The following GRIK2 variants were observed in gnomAD, a reference collection of about 807,000 sequenced individuals.
The protein encoded by GRIK2 is glutamate ionotropic receptor kainate type subunit 2, also known as glutamate receptor ionotropic, kainate 2.
In GRIK2, 32 loss-of-function variants were observed where a neutral mutation model predicts 100.3. The observed-to-expected ratio is 0.32, with a 90% CI of 0.24 to 0.43. The LOEUF (loss-of-function observed/expected upper bound fraction) is 0.43. Ranked by LOEUF, GRIK2 falls within the 20% of genes least tolerant of loss-of-function variation. The pLI, the probability that GRIK2 is intolerant of heterozygous loss-of-function variation, is 1.00. For synonymous variants in GRIK2, 417 were observed against 389.4 expected, an observed-to-expected ratio of 1.07 and a Z score of -0.83; for missense variants, 843 against 1,114.9, an observed-to-expected ratio of 0.76 and a Z score of 3.47.
At chr6:101,616,550 A>G (rs1399514464) in intron 2 of GRIK2, among the ~76,000 whole-genome samples, 1 of 151,830 alleles carries the variant, frequency 6.6e-6, no homozygotes, top group Non-Finnish European at 1.5e-5. Flanking sequence ...TTCTGTAAAA[A>G]GTCTTTTACC....
intron 14 of GRIK2, among the ~76,000 whole-genome samples, chr6:101,955,055 G>C (rs1042040840): frequency 6.6e-6 from 1 of 151,938 alleles, no homozygotes; most frequent in Admixed American, 6.6e-5. Flanking sequence ...AATCCCACTT[G>C]GTCTTGGTGT....
chr6:101,441,432 A>T (rs1770045960), intron 2 of GRIK2, among the ~76,000 whole-genome samples: 1 of 152,170 alleles, frequency 6.6e-6, no homozygotes, highest in Admixed American at 6.5e-5. Flanking sequence ...GTTGTTTTTC[A>T]TGCATATGGT....
intron 14 of GRIK2, among the ~76,000 whole-genome samples, chr6:102,012,088 A>C (rs1031677429): frequency 1.1e-4 from 16 of 151,882 alleles, no homozygotes; most frequent in African/African-American, 3.6e-4. Context: ...TCTTTTTTTA[A>C]AGTTTTTCTA....
chr6:101,730,641 C>A (rs1775196687), intron 7 of GRIK2, among the ~76,000 whole-genome samples: 1 of 151,330 alleles, frequency 6.6e-6, no homozygotes, highest in Non-Finnish European at 1.5e-5. Context: ...ACCTTTCACC[C>A]TTTTTTGTTT....
At chr6:101,718,300 A>G (rs1039700218) in intron 7 of GRIK2, among the ~76,000 whole-genome samples, 5 of 151,832 alleles carry the variant, frequency 3.3e-5, no homozygotes, top group African/African-American at 1.2e-4. Flanking sequence ...GCAAAAAATA[A>G]CTAGAAAACC....
At chr6:101,910,839 C>CCACACACACA (rs142489212) in intron 12 of GRIK2, among the ~76,000 whole-genome samples, 7,908 of 143,198 alleles carry the variant, frequency 0.055, 354 homozygotes, top group East Asian at 0.18. Flanking sequence ...CCAACATACA[C>CCACACACACA]CACACACACA....
At chr6:101,399,578 G>C (rs1368465043) in intron 2 of GRIK2, among the ~76,000 whole-genome samples, 186 bp downstream of exon 2, 1 of 152,032 alleles carries the variant, frequency 6.6e-6, no homozygotes, top group African/African-American at 2.4e-5. Flanking sequence ...TTTATTTTTA[G>C]CCGCGGGAGG....
At chr6:101,951,702 G>A (rs1791615545) in intron 14 of GRIK2, among the ~76,000 whole-genome samples, 3 of 152,158 alleles carry the variant, frequency 2.0e-5, no homozygotes, top group Admixed American at 2.0e-4. Context: ...TAGTGAATAA[G>A]TCTCATGAGA....
intron 14 of GRIK2, among the ~76,000 whole-genome samples, chr6:102,018,022 C>T (rs2114349387): frequency 6.6e-6 from 1 of 152,234 alleles, no homozygotes; most frequent in Admixed American, 6.5e-5. Flanking sequence ...ATATCTGACT[C>T]TTGTTCTGAC....
Position 101,490,578 on chromosome 6 carries a change from G to C in GRIK2, c.115+91186G>C, listed in dbSNP as rs4840190. Among the ~76,000 whole-genome samples, 1,307 of 146,908 alleles carry C rather than the reference G, an allele frequency of 8.9e-3. 155 individuals are homozygous for C. Among genetic ancestry groups the C allele is most frequent in the Admixed American group, 0.056 (828 of 14,696 alleles). On this transcript the variant is annotated intron_variant, in intron 2 of 16. Transcript: ENST00000369134. ...AATAGATAAGTGAAGAAGTACGTTG[G>C]GGGTGTTAATAGGAAAGTATTGTCT...
At chr6:101,664,443 A>C (rs1299066526) in intron 4 of GRIK2, among the ~76,000 whole-genome samples, 2 of 152,334 alleles carry the variant, frequency 1.3e-5, no homozygotes, top group East Asian at 1.9e-4. Context: ...ATAAGCAAAG[A>C]GATAGAATTA....
At chr6:102,012,984 A>G (rs1458869999) in intron 14 of GRIK2, among the ~76,000 whole-genome samples, 5 of 152,146 alleles carry the variant, frequency 3.3e-5, no homozygotes, top group Non-Finnish European at 7.4e-5. Flanking sequence ...TGTTATTAGT[A>G]GCTTGATCAG....
intron 2 of GRIK2, among the ~76,000 whole-genome samples, chr6:101,566,047 G>T (rs1777256647): frequency 6.6e-6 from 1 of 150,434 alleles, no homozygotes; most frequent in South Asian, 2.1e-4. Context: ...TCATTGTAAA[G>T]GTTCTCATCC....
At chr6:101,553,321 T>C (rs1286904141) in intron 2 of GRIK2, among the ~76,000 whole-genome samples, 1 of 152,202 alleles carries the variant, frequency 6.6e-6, no homozygotes, top group African/African-American at 2.4e-5. Context: ...AAGAGTTACT[T>C]TAAAATGTGT....
chr6:102,012,737 G>A (rs371026607), intron 14 of GRIK2, among the ~76,000 whole-genome samples: 2 of 151,900 alleles, frequency 1.3e-5, no homozygotes, highest in African/African-American at 4.8e-5. Flanking sequence ...GTTCCAAGAG[G>A]GGGTTGTAGG....
At chr6:101,870,456 C>G (rs1376191814) in intron 11 of GRIK2, among the ~76,000 whole-genome samples, 1 of 151,740 alleles carries the variant, frequency 6.6e-6, no homozygotes, top group Non-Finnish European at 1.5e-5. Context: ...TATTGATGTA[C>G]ATGTTTTGTT....
intron 7 of GRIK2, among the ~76,000 whole-genome samples, chr6:101,793,538 G>A (rs541920356): frequency 3.3e-5 from 5 of 152,116 alleles, no homozygotes; most frequent in South Asian, 4.1e-4. Context: ...CTTGTACCGC[G>A]AATGCTGCTG....
chr6:101,734,713 T>A (rs1775515354), intron 7 of GRIK2, among the ~76,000 whole-genome samples: 1 of 152,154 alleles, frequency 6.6e-6, no homozygotes. Flanking sequence ...ATTAAAGAAT[T>A]GGGAACTTGT....
At chr6:101,598,303 C>A (rs1023564823) in intron 2 of GRIK2, among the ~76,000 whole-genome samples, 5 of 151,488 alleles carry the variant, frequency 3.3e-5, no homozygotes, top group African/African-American at 9.7e-5. Flanking sequence ...GTTAGCAGAA[C>A]TGTTTGTCTT....
Sources: gnomAD v4.1 joint callset for allele counts (sites outside exome capture counted in the v4.1 genomes callset) on GRCh38, gnomAD v4.1.1 for gene constraint, MANE v1.5 for transcripts, NCBI Gene and HGNC (gene_info 2026-07-23, HGNC 2026-07-21) for gene names.